The following GALNT17 variants were observed in gnomAD, a reference collection of about 807,000 sequenced individuals.
GALNT17 encodes the protein UDP-GalNAc:polypeptide N-acetylgalactosaminyltransferase-like 3.
A neutral mutation model predicts 63.7 loss-of-function variants in GALNT17; 29 were observed. The observed-to-expected ratio is 0.46, with a 90% confidence interval of 0.34 to 0.62. The LOEUF is 0.62. GALNT17 is among the 20% of genes least tolerant of loss of function. The pLI is 0.01. For synonymous variants in GALNT17, 305 were observed against 318.3 expected, an observed-to-expected ratio of 0.96 and a Z score of 0.45; for missense variants, 603 against 799.6, an observed-to-expected ratio of 0.75 and a Z score of 2.97.
intron 1 of GALNT17, among the ~76,000 whole-genome samples, chr7:71,325,187 A>G (rs1791683192): frequency 6.6e-6 from 1 of 152,196 alleles, no homozygotes; most frequent in African/African-American, 2.4e-5. Context: ...TGTTAAGCTT[A>G]TGGCTGCAAT....
At chr7:71,411,933 TG>T (rs758189790) in intron 3 of GALNT17, among the ~76,000 whole-genome samples, 9 of 152,210 alleles carry the variant, frequency 5.9e-5, no homozygotes, top group Non-Finnish European at 1.3e-4. Context: ...CCAGAAACTC[TG>T]CCAAACACTT....
intron 2 of GALNT17, among the ~76,000 whole-genome samples, chr7:71,375,566 G>A (rs762723773): frequency 1.7e-3 from 254 of 152,210 alleles, no homozygotes; most frequent in Middle Eastern, 3.4e-3. Flanking sequence ...CTACAGGCAC[G>A]TGTCACCATG....
intron 6 of GALNT17, among the ~76,000 whole-genome samples, chr7:71,646,558 A>G (rs1004669365): frequency 6.6e-6 from 1 of 152,132 alleles, no homozygotes; most frequent in African/African-American, 2.4e-5. Context: ...ATGTTAGTTT[A>G]TCAGATGTAG....
At chr7:71,684,220 GA>G (rs1461117412) in intron 9 of GALNT17, among the ~76,000 whole-genome samples, 1 of 152,094 alleles carries the variant, frequency 6.6e-6, no homozygotes, top group African/African-American at 2.4e-5. Flanking sequence ...ACCCTGCACG[GA>G]GAGCACCCTC....
chr7:71,387,335 C>T (rs907433627), intron 2 of GALNT17, among the ~76,000 whole-genome samples: 13 of 148,534 alleles, frequency 8.8e-5, no homozygotes, highest in African/African-American at 1.2e-4. Context: ...TTTTGGGGGG[C>T]GGGGAGGGGG....
intron 2 of GALNT17, among the ~76,000 whole-genome samples, chr7:71,358,616 G>A (rs940932846): frequency 3.3e-5 from 5 of 152,256 alleles, no homozygotes; most frequent in Middle Eastern, 3.4e-3. Flanking sequence ...GAGAGAGAAA[G>A]CTCACTGGTA....
chr7:71,416,020 G>C lies in GALNT17; in HGVS notation c.721G>C (p.Val241Leu). The part of the protein sequence containing the change: ...IEGWKVATGQ[V>L]TGFFDAHVEF... ...GGGCTGGAAGGTGGCTACCGGGCAGGTCACTGGCTTCTTTGATGCCCACGT... is the reference window on the plus strand; with the variant it reads ...GGGCTGGAAGGTGGCTACCGGGCAGCTCACTGGCTTCTTTGATGCCCACGT... The change falls in exon 4 of 11, where the codon GTC (valine) becomes CTC (leucine). Residue 241 changes from valine (V) to leucine (L), a missense_variant. Around this residue, in one of 3 missense-constraint regions of GALNT17, gnomAD observed 336 missense variants for 507.8 expected, o/e 0.66. Coordinates refer to ENST00000333538, the MANE Select transcript of GALNT17 (RefSeq NM_022479.3). 1.2e-6 allele frequency: 2 copies of C among 1,613,490 alleles called. No homozygotes were observed. The highest frequency in any genetic ancestry group is 2.2e-5 in the South Asian group (2 of 90,896).
At chr7:71,152,969 A>C (rs916052432) in intron 1 of GALNT17, among the ~76,000 whole-genome samples, 1 of 152,144 alleles carries the variant, frequency 6.6e-6, no homozygotes, top group African/African-American at 2.4e-5. Context: ...GGTATTTCTC[A>C]GGGATAATTC....
At chr7:71,585,830 T>C (rs113426508) in intron 6 of GALNT17, among the ~76,000 whole-genome samples, 5 of 152,258 alleles carry the variant, frequency 3.3e-5, no homozygotes, top group African/African-American at 9.6e-5. Context: ...GACATTTCTG[T>C]TGCCTGAGAA....
intron 5 of GALNT17, among the ~76,000 whole-genome samples, chr7:71,563,567 G>A (rs1462701145): frequency 6.6e-6 from 1 of 152,114 alleles, no homozygotes; most frequent in Non-Finnish European, 1.5e-5. Context: ...GCCTGTCCAT[G>A]GGCAGATATG....
Position 71,518,531 on chromosome 7 carries a change from G to A in GALNT17, c.963-52754G>A, listed in dbSNP as rs142117462. Among the ~76,000 whole-genome samples, 405 of 152,288 alleles carry A rather than the reference G, an allele frequency of 2.7e-3. 3 individuals are homozygous for A. The highest frequency in any genetic ancestry group is 0.01 in the East Asian group (52 of 5,172). On this transcript the variant is annotated intron_variant, in intron 5 of 10. Coordinates refer to ENST00000333538, the MANE Select transcript of GALNT17 (RefSeq NM_022479.3). ...ATGCCATTAATCACGCAAGAGACAC[G>A]AGTCCAGCAGCAGTTACTAAAATCA...
chr7:71,150,052 C>G (rs1471461510), intron 1 of GALNT17, among the ~76,000 whole-genome samples: 1 of 152,130 alleles, frequency 6.6e-6, no homozygotes, highest in Non-Finnish European at 1.5e-5. Context: ...GAAGCTGATA[C>G]AAATGGCTGA....
intron 5 of GALNT17, among the ~76,000 whole-genome samples, chr7:71,431,995 T>G (rs1786875470): frequency 1.3e-5 from 2 of 152,070 alleles, no homozygotes; most frequent in South Asian, 4.1e-4. Flanking sequence ...CCCAACATAG[T>G]GAAACTGTGT....
intron 6 of GALNT17, among the ~76,000 whole-genome samples, chr7:71,663,067 G>T (rs1477001512): frequency 2.0e-5 from 3 of 152,120 alleles, no homozygotes; most frequent in African/African-American, 4.8e-5. Flanking sequence ...CCGTATGTCT[G>T]TCCTTATGCC....
At chr7:71,190,324 T>C (rs2116336332) in intron 1 of GALNT17, among the ~76,000 whole-genome samples, 1 of 152,288 alleles carries the variant, frequency 6.6e-6, no homozygotes, top group Non-Finnish European at 1.5e-5. Flanking sequence ...CATGGCTTGG[T>C]GCTGTCTTCC....
In GALNT17 at chr7:71,198,125, G is replaced by T. The variant is rs572454516; in HGVS notation, c.238+65085G>T. Among the ~76,000 whole-genome samples the T allele has an allele frequency of 6.0e-5, 9 of 151,208 alleles. No individual in the cohort carries two copies. In the South Asian group the frequency reaches 1.7e-3, roughly 28 times the overall value. On this transcript the variant is annotated intron_variant, in intron 1 of 10. Transcript: ENST00000333538. ...AGGCAGGAGAATCGCTTGAACCCAG[G>T]AGGCGGAGGTTGCAGTGAGTTGAGA...
chr7:71,475,973 A>G (rs1233692655), intron 5 of GALNT17, among the ~76,000 whole-genome samples: 1 of 111,410 alleles, frequency 9.0e-6, no homozygotes, highest in African/African-American at 3.2e-5. Context: ...TTTTAGTGAT[A>G]CTACTACTCC....
At chr7:71,655,214 C>A (rs555948791) in intron 6 of GALNT17, among the ~76,000 whole-genome samples, 1 of 151,414 alleles carries the variant, frequency 6.6e-6, no homozygotes, top group South Asian at 2.1e-4. Context: ...ACAGTCATGC[C>A]ACTGCACTCG....
chr7:71,397,941 T>TTGTTGTTG (rs1554365195), intron 3 of GALNT17, among the ~76,000 whole-genome samples: 3,252 of 150,806 alleles, frequency 0.022, 36 homozygotes, highest in Middle Eastern at 0.075. Context: ...CATTATTGTC[T>TTGTTGTTG]TTGTTGTTGT....
Sources: allele counts gnomAD v4.1 joint callset (sites outside exome capture counted in the v4.1 genomes callset), GRCh38; gene constraint gnomAD v4.1.1; regional missense constraint gnomAD v4.1.1; transcripts MANE v1.5; gene names NCBI Gene and HGNC (gene_info 2026-07-23, HGNC 2026-07-21).